Variants in MKRN2OS observed in about 807,000 individuals in gnomAD.
The protein encoded by MKRN2OS is MKRN2 opposite strand protein.
In MKRN2OS, 17 loss-of-function variants were observed where a neutral mutation model predicts 18.2. That is an observed-to-expected ratio of 0.93 (90% CI 0.64 to 1.40). The LOEUF (loss-of-function observed/expected upper bound fraction) is 1.40, where lower values mean the gene tolerates loss of function less well. MKRN2OS is among the 40% of genes most tolerant of loss of function. The pLI, the probability that MKRN2OS is intolerant of heterozygous loss-of-function variation, is 0.00. For synonymous variants in MKRN2OS, 121 were observed against 108.5 expected, an observed-to-expected ratio of 1.12 and a Z score of -0.72; for missense variants, 337 against 283.0, an observed-to-expected ratio of 1.19 and a Z score of -1.37.
At chr3:12,545,532 G>A (rs772677499), upstream of MKRN2OS, 40 of 1,206,502 alleles carry the variant, frequency 3.3e-5, no homozygotes, top group Non-Finnish European at 4.2e-5. Context: ...TACACCTGGC[G>A]AATGCACACC....
chr3:12,541,498 C>T (rs1446989897), intron 3 of MKRN2OS, among the ~76,000 whole-genome samples: 2 of 152,100 alleles, frequency 1.3e-5, no homozygotes, highest in African/African-American at 2.4e-5. Context: ...GGATTACAGG[C>T]GAGAGCCATT....
rs1481464941 is a variant in MKRN2OS, at chr3:12,543,196, T to G, written c.252A>C (p.Gly84=). The G allele has an allele frequency of 2.0e-6, 3 of 1,535,934 alleles. No individual in the cohort carries two copies. The highest frequency in any genetic ancestry group is 1.2e-5 in the South Asian group (1 of 84,024). ...TGCACTTACCATTTGTGTTAGTTAT[T>G]CCAACATGAAGATCAGACCTTCCAT... ...EYDGRSDLHV[G]ITNTNGVVYN... Residue 84 remains glycine (G), a synonymous_variant, in exon 2 of 4, where the codon GGA becomes GGC. Transcript: ENST00000564146.
upstream of MKRN2OS, chr3:12,545,525 A>G (rs977808281): frequency 7.7e-7 from 1 of 1,302,564 alleles, no homozygotes; most frequent in Non-Finnish European, 1.0e-6. Context: ...CTCATTATAC[A>G]CCTGGCGAAT....
upstream of MKRN2OS, chr3:12,545,515 C>T (rs2125291744): frequency 7.4e-7 from 1 of 1,358,372 alleles, no homozygotes; most frequent in Middle Eastern, 2.6e-4. Flanking sequence ...CTTCCTTTTC[C>T]TCATTATACA....
At chr3:12,545,159 A>G (rs543381959) in intron 1 of MKRN2OS, 88 bp downstream of exon 1, 2 of 1,081,796 alleles carry the variant, frequency 1.8e-6, no homozygotes, top group South Asian at 1.7e-5. Context: ...AACCTCACAC[A>G]TTATGTATTA....
chr3:12,542,219 G>C (rs1190272231), intron 2 of MKRN2OS, among the ~76,000 whole-genome samples, 197 bp from the exon 3 acceptor site: 1 of 152,106 alleles, frequency 6.6e-6, no homozygotes, highest in South Asian at 2.1e-4. Flanking sequence ...AGCCTTCCCT[G>C]TTATCAGCAA....
upstream of MKRN2OS, among the ~76,000 whole-genome samples, chr3:12,550,432 GATAA>G (rs1218829624): frequency 6.6e-6 from 1 of 152,156 alleles, no homozygotes; most frequent in Non-Finnish European, 1.5e-5. Flanking sequence ...GGAAGGGAGG[GATAA>G]ATAGGCAGAG....
At chr3:12,557,082 G>GGGCCAA (rs2057979376) in intron 1 of MKRN2OS, 24 of 1,428,996 alleles carry the variant, frequency 1.7e-5, no homozygotes, top group Middle Eastern at 1.9e-4. Context: ...GGCCGGGCCA[G>GGGCCAA]GGCCAAGGCC....
chr3:12,553,792 T>C (rs977028224), exon 2 of MKRN2OS: 16 of 152,198 alleles, frequency 1.1e-4, no homozygotes, highest in African/African-American at 3.9e-4. Flanking sequence ...AATAAACCAT[T>C]AGAATTAATT....
intron 2 of MKRN2OS, among the ~76,000 whole-genome samples, chr3:12,542,727 A>C (rs13086993): frequency 0.16 from 23,819 of 147,468 alleles, 2,190 homozygotes; most frequent in Admixed American, 0.23. Context: ...AAAAAAAAAA[A>C]AAAAAAACAC....
chr3:12,552,277 C>T (rs1432576238), downstream of MKRN2OS, among the ~76,000 whole-genome samples: 2 of 151,218 alleles, frequency 1.3e-5, no homozygotes, highest in African/African-American at 2.4e-5. Context: ...GAGATCGTGC[C>T]GCTGCACTTC....
chr3:12,552,689 G>T (rs1362969843), downstream of MKRN2OS, among the ~76,000 whole-genome samples: 1 of 151,580 alleles, frequency 6.6e-6, no homozygotes, highest in Admixed American at 6.6e-5. Context: ...AGGATTACAG[G>T]TGTGAGCCAC....
intron 1 of MKRN2OS, among the ~76,000 whole-genome samples, chr3:12,555,311 CA>C (rs35617395): frequency 7.9e-4 from 78 of 98,320 alleles, no homozygotes; most frequent in South Asian, 7.0e-3. Context: ...GACTCCGTCT[CA>C]AAAAAAAAAA....
chr3:12,546,171 T>C (rs1304670106), upstream of MKRN2OS, among the ~76,000 whole-genome samples: 1 of 152,238 alleles, frequency 6.6e-6, no homozygotes, highest in Non-Finnish European at 1.5e-5. Flanking sequence ...TTTACTTTTG[T>C]GTTCCCAGAA....
downstream of MKRN2OS, among the ~76,000 whole-genome samples, chr3:12,552,679 A>G (rs7631863): frequency 1 from 151,593 of 151,594 alleles, 75,796 homozygotes; most frequent in Middle Eastern, 1. Flanking sequence ...CCAAAGTGCT[A>G]GGATTACAGG....
At chr3:12,542,071 T>C (rs1377425340) in intron 2 of MKRN2OS, 49 bp from the exon 3 acceptor site, 2 of 1,494,100 alleles carry the variant, frequency 1.3e-6, no homozygotes, top group South Asian at 2.5e-5. Flanking sequence ...AACACACACC[T>C]CTGTGAAAAA....
intron 2 of MKRN2OS, among the ~76,000 whole-genome samples, chr3:12,542,894 A>G (rs1209149016): frequency 2.0e-5 from 3 of 152,072 alleles, no homozygotes; most frequent in Admixed American, 6.6e-5. Flanking sequence ...ATCTCACTGG[A>G]CATCTATTTC....
In MKRN2OS at chr3:12,543,243, G is replaced by GGTTT; in HGVS notation, c.219-18_219-15dup. ...CCATCATACTCTCTGAAAGAAACAA[G>GGTTT]GTTTGTTTTTTTTTGGTTTGCATGT... On this transcript the variant is annotated splice_polypyrimidine_tract_variant and intron_variant, in intron 1 of 3. Coordinates refer to ENST00000564146, the MANE Select transcript of MKRN2OS (RefSeq NM_001195279.2). The GGTTT allele has an allele frequency of 6.6e-7, 1 of 1,526,370 alleles. No homozygotes were observed. The highest frequency in any genetic ancestry group is 1.2e-5 in the South Asian group (1 of 82,930). 94.6% of individuals were successfully genotyped at this position (1,526,370 alleles called of 1,614,324 possible).
At chr3:12,548,170 C>T (rs1260566394), upstream of MKRN2OS, among the ~76,000 whole-genome samples, 2 of 152,038 alleles carry the variant, frequency 1.3e-5, no homozygotes, top group African/African-American at 2.4e-5. Context: ...ATTAGCCGGT[C>T]GGGCGCGGTG....
Sources: allele counts gnomAD v4.1 joint callset (sites outside exome capture counted in the v4.1 genomes callset), GRCh38; gene constraint gnomAD v4.1.1; transcripts MANE v1.5; gene names NCBI Gene and HGNC (gene_info 2026-07-23, HGNC 2026-07-21).